NPAS3: variants seen among roughly 807,000 people sequenced by gnomAD.
NPAS3 encodes the protein neuronal PAS domain-containing protein 3.
A neutral mutation model predicts 73.1 loss-of-function variants in NPAS3; 14 were observed. The observed-to-expected ratio is 0.19, with a 90% confidence interval of 0.13 to 0.30. NPAS3 has a LOEUF of 0.30. Among genes scored for constraint, NPAS3 ranks in the 10% least tolerant of loss-of-function variants. The pLI, the probability that NPAS3 is intolerant of heterozygous loss-of-function variation, is 1.00. For synonymous variants in NPAS3, 620 were observed against 541.5 expected (o/e 1.14, Z -2.01); for missense variants, 1,096 against 1,250.0 (o/e 0.88, Z 1.86).
chr14:33,596,559 C>T (rs1047908229), intron 5 of NPAS3, among the ~76,000 whole-genome samples: 3 of 152,194 alleles, frequency 2.0e-5, no homozygotes, highest in African/African-American at 7.2e-5. Flanking sequence ...GTTGGAATAT[C>T]TCAGGACATC....
At chr14:33,655,376 G>A (rs866423220) in intron 5 of NPAS3, among the ~76,000 whole-genome samples, 1 of 68,114 alleles carries the variant, frequency 1.5e-5, no homozygotes, top group African/African-American at 6.2e-5. Context: ...GAACTCTTTT[G>A]CTTTTCCCAG....
chr14:32,966,188 T>C (rs1277930162), intron 1 of NPAS3, among the ~76,000 whole-genome samples: 1 of 152,014 alleles, frequency 6.6e-6, no homozygotes, highest in African/African-American at 2.4e-5. Context: ...TTTATAGAAA[T>C]AGAAAAAGCA....
intron 2 of NPAS3, among the ~76,000 whole-genome samples, chr14:33,159,534 T>C (rs2044772528): frequency 6.6e-6 from 1 of 151,260 alleles, no homozygotes; most frequent in African/African-American, 2.4e-5. Flanking sequence ...TAGCTAATTA[T>C]AGTATTAATT....
intron 6 of NPAS3, among the ~76,000 whole-genome samples, chr14:33,678,457 C>T (rs941776412): frequency 5.9e-5 from 9 of 152,184 alleles, no homozygotes; most frequent in Non-Finnish European, 1.2e-4. Context: ...TGCTAATTCA[C>T]AACCCTTATT....
chr14:33,335,047 T>C (rs28635423), intron 3 of NPAS3, among the ~76,000 whole-genome samples: 1 of 141,030 alleles, frequency 7.1e-6, no homozygotes, highest in African/African-American at 2.6e-5. Flanking sequence ...TGTGTGCGTG[T>C]GTGTGTGTGT....
At chr14:33,790,468 T>A (rs1026558114) in intron 9 of NPAS3, among the ~76,000 whole-genome samples, 17 of 152,118 alleles carry the variant, frequency 1.1e-4, no homozygotes, top group Admixed American at 1.0e-3. Context: ...CTTGAGCTGA[T>A]TAGGACCACA....
At chr14:33,658,313 C>T (rs572051804) in intron 5 of NPAS3, among the ~76,000 whole-genome samples, 2 of 152,312 alleles carry the variant, frequency 1.3e-5, no homozygotes, top group African/African-American at 4.8e-5. Context: ...CAAGAACAGA[C>T]TTTTGTTTCC....
chr14:33,781,227 C>CA (rs561728111), intron 9 of NPAS3, among the ~76,000 whole-genome samples: 200 of 152,194 alleles, frequency 1.3e-3, no homozygotes, highest in African/African-American at 4.6e-3. Flanking sequence ...ATCACACACA[C>CA]AAAAAAATCA....
At chr14:33,784,586 A>G (rs1257646909) in intron 9 of NPAS3, among the ~76,000 whole-genome samples, 1 of 152,064 alleles carries the variant, frequency 6.6e-6, no homozygotes, top group Non-Finnish European at 1.5e-5. Context: ...ACACAAACAC[A>G]TGATCTTTTC....
intron 5 of NPAS3, among the ~76,000 whole-genome samples, chr14:33,675,971 A>G (rs1014942881): frequency 2.0e-5 from 3 of 151,928 alleles, no homozygotes; most frequent in Middle Eastern, 3.4e-3. Flanking sequence ...TGCAAACAAC[A>G]GTGTGTGAGG....
intron 3 of NPAS3, among the ~76,000 whole-genome samples, chr14:33,238,013 A>G (rs2048095487): frequency 6.6e-6 from 1 of 152,010 alleles, no homozygotes; most frequent in Non-Finnish European, 1.5e-5. Context: ...CACATTTTTC[A>G]AAAAGAATTA....
chr14:33,275,806 C>T (rs2041302723), intron 3 of NPAS3, among the ~76,000 whole-genome samples: 1 of 152,114 alleles, frequency 6.6e-6, no homozygotes, highest in African/African-American at 2.4e-5. Flanking sequence ...TGATCTGTTT[C>T]AGCAAAGGCC....
At chr14:33,294,425 A>G (rs1461359251) in intron 3 of NPAS3, among the ~76,000 whole-genome samples, 1 of 152,028 alleles carries the variant, frequency 6.6e-6, no homozygotes, top group Non-Finnish European at 1.5e-5. Flanking sequence ...AGCCTCTTTG[A>G]TGCTCCATTT....
intron 3 of NPAS3, among the ~76,000 whole-genome samples, chr14:33,360,671 G>C (rs1484516534): frequency 6.6e-6 from 1 of 152,128 alleles, no homozygotes; most frequent in Non-Finnish European, 1.5e-5. Context: ...TGTTCTTCTG[G>C]AATAATTAAG....
At chr14:33,794,518 A>G (rs77113496) in intron 10 of NPAS3, among the ~76,000 whole-genome samples, 2 of 152,012 alleles carry the variant, frequency 1.3e-5, no homozygotes, top group Non-Finnish European at 2.9e-5. Flanking sequence ...AGCATATTAC[A>G]TAGGGTTTGA....
At chr14:33,545,822 T>C (rs2054817771) in intron 4 of NPAS3, among the ~76,000 whole-genome samples, 2 of 152,210 alleles carry the variant, frequency 1.3e-5, no homozygotes, top group African/African-American at 2.4e-5. Flanking sequence ...GAGAGGTCAC[T>C]GTATAGTGCC....
intron 2 of NPAS3, among the ~76,000 whole-genome samples, chr14:33,086,771 C>A (rs2042038607): frequency 6.6e-6 from 1 of 152,130 alleles, no homozygotes; most frequent in South Asian, 2.1e-4. Flanking sequence ...TACCACATAA[C>A]CTCTCCTATT....
At chr14:33,509,149 GTTGT>G (rs2052918612) in intron 4 of NPAS3, among the ~76,000 whole-genome samples, 1 of 151,476 alleles carries the variant, frequency 6.6e-6, no homozygotes. Context: ...TATGATTTCT[GTTGT>G]TATAATTGAT....
chr14:33,258,303 G>C (rs2048850182), intron 3 of NPAS3, among the ~76,000 whole-genome samples: 1 of 152,094 alleles, frequency 6.6e-6, no homozygotes, highest in African/African-American at 2.4e-5. Context: ...AGGCTGAGAT[G>C]GGAGAATCAG....
Sources: gnomAD v4.1 joint callset for allele counts (sites outside exome capture counted in the v4.1 genomes callset) on GRCh38, gnomAD v4.1.1 for gene constraint, MANE v1.5 for transcripts, NCBI Gene and HGNC (gene_info 2026-07-23, HGNC 2026-07-21) for gene names.